Variants in CSMD1 observed in about 807,000 individuals in gnomAD.
CSMD1 encodes the protein CUB and Sushi multiple domains 1, also known as CUB and sushi domain-containing protein 1.
CSMD1 carries 213 observed loss-of-function variants against 417.5 expected under a neutral mutation model. That is an observed-to-expected ratio of 0.51 (90% confidence interval 0.46 to 0.57). The LOEUF (loss-of-function observed/expected upper bound fraction) is 0.57, where lower values mean the gene tolerates loss of function less well. Ranked by LOEUF, CSMD1 falls within the 20% of genes least tolerant of loss-of-function variation. CSMD1 has a pLI of 0.00. For synonymous variants in CSMD1, 2,862 were observed against 1,736.8 expected, an observed-to-expected ratio of 1.65 and a Z score of -16.11; for missense variants, 6,923 against 4,529.7, an observed-to-expected ratio of 1.53 and a Z score of -15.17.
intron 5 of CSMD1, among the ~76,000 whole-genome samples, chr8:3,836,626 C>A (rs12549593): frequency 9.2e-5 from 14 of 151,900 alleles, no homozygotes; most frequent in African/African-American, 2.4e-4. Context: ...GGTATTTGAC[C>A]TGAATCAAAT....
At chr8:4,410,316 C>G (rs1420412782) in intron 3 of CSMD1, among the ~76,000 whole-genome samples, 1 of 152,172 alleles carries the variant, frequency 6.6e-6, no homozygotes, top group East Asian at 1.9e-4. Flanking sequence ...CGCTTAGTCA[C>G]CAGCACAATG....
chr8:3,285,211 C>G (rs1257099018), intron 25 of CSMD1, among the ~76,000 whole-genome samples: 1 of 152,154 alleles, frequency 6.6e-6, no homozygotes, highest in Non-Finnish European at 1.5e-5. Flanking sequence ...CCACGAGTCT[C>G]AACTGCTTTG....
chr8:4,915,696 G>A (rs1047101917), intron 1 of CSMD1, among the ~76,000 whole-genome samples: 1 of 152,212 alleles, frequency 6.6e-6, no homozygotes, highest in African/African-American at 2.4e-5. Context: ...GATTTCGGGA[G>A]AGGGTCACGC....
intron 2 of CSMD1, among the ~76,000 whole-genome samples, chr8:4,498,350 A>C (rs1186082564): frequency 1.3e-5 from 2 of 152,058 alleles, no homozygotes; most frequent in African/African-American, 4.8e-5. Context: ...CTTATTTCTT[A>C]TGTATTTATA....
chr8:3,259,330 G>C (rs965654863), intron 26 of CSMD1, among the ~76,000 whole-genome samples: 1 of 152,182 alleles, frequency 6.6e-6, no homozygotes, highest in African/African-American at 2.4e-5. Flanking sequence ...CTGCAAAGCA[G>C]GAATCTTGAC....
chr8:4,777,453 G>C (rs983995097), intron 1 of CSMD1, among the ~76,000 whole-genome samples: 1 of 152,138 alleles, frequency 6.6e-6, no homozygotes, highest in Non-Finnish European at 1.5e-5. Context: ...GTTAGGGACA[G>C]ATGTGTGCCT....
chr8:4,516,550 C>T (rs969642331), intron 2 of CSMD1, among the ~76,000 whole-genome samples: 1 of 152,090 alleles, frequency 6.6e-6, no homozygotes, highest in African/African-American at 2.4e-5. Context: ...CTTGGTGTGG[C>T]CCCCAGCCAC....
At chr8:4,001,541 C>T (rs1238221618) in intron 4 of CSMD1, among the ~76,000 whole-genome samples, 1 of 152,158 alleles carries the variant, frequency 6.6e-6, no homozygotes, top group Non-Finnish European at 1.5e-5. Context: ...AATGAGCATA[C>T]CTCACTGCCA....
intron 2 of CSMD1, among the ~76,000 whole-genome samples, chr8:4,600,648 A>T (rs1484927408): frequency 2.6e-5 from 4 of 152,196 alleles, no homozygotes; most frequent in African/African-American, 9.6e-5. Flanking sequence ...ATTACCACCA[A>T]TGTTTAGATA....
chr8:2,962,393 C>G (rs937449532), intron 61 of CSMD1, 73 bp downstream of exon 61: 22 of 1,352,954 alleles, frequency 1.6e-5, no homozygotes, highest in African/African-American at 5.8e-5. Flanking sequence ...TCACAAATGA[C>G]CCAATTTCGG....
intron 5 of CSMD1, among the ~76,000 whole-genome samples, chr8:3,984,879 C>A (rs1308484118): frequency 9.9e-5 from 15 of 151,510 alleles, no homozygotes; most frequent in African/African-American, 3.6e-4. Flanking sequence ...AAGTTTGAAT[C>A]TATGTCCATA....
intron 41 of CSMD1, chr8:3,128,492 T>C (rs1817627763): frequency 4.7e-6 from 1 of 214,442 alleles, no homozygotes; most frequent in Non-Finnish European, 9.5e-6. Context: ...ACAAGAATTC[T>C]CTGTATGATT....
chr8:4,086,683 G>C (rs1321424977), intron 3 of CSMD1, among the ~76,000 whole-genome samples: 2 of 152,150 alleles, frequency 1.3e-5, no homozygotes, highest in Non-Finnish European at 2.9e-5. Context: ...AAGTATTTAA[G>C]CAACCTGAAC....
chr8:4,700,121 C>A (rs1452954918), intron 1 of CSMD1, among the ~76,000 whole-genome samples: 1 of 152,022 alleles, frequency 6.6e-6, no homozygotes, highest in African/African-American at 2.4e-5. Context: ...AAGTGGTGAA[C>A]TTTTTGTTTA....
intron 3 of CSMD1, among the ~76,000 whole-genome samples, chr8:4,405,537 G>C (rs1046785033): frequency 1.3e-5 from 2 of 152,098 alleles, no homozygotes; most frequent in Non-Finnish European, 2.9e-5. Flanking sequence ...ATTATAGTAA[G>C]TGCCATGAAA....
At chr8:3,157,831 G>T in intron 39 of CSMD1, 66 bp downstream of exon 39, 1 of 1,295,224 alleles carries the variant, frequency 7.7e-7, no homozygotes, top group Non-Finnish European at 1.1e-6. Context: ...TTGACCCCAA[G>T]AGTAGAGCAG....
At chr8:4,480,337 C>G (rs1190157568) in intron 2 of CSMD1, among the ~76,000 whole-genome samples, 2 of 152,142 alleles carry the variant, frequency 1.3e-5, no homozygotes, top group Non-Finnish European at 2.9e-5. Flanking sequence ...CTTTGAGAAA[C>G]TGGTTCACCT....
chr8:4,111,211 T>G (rs1801837532), intron 3 of CSMD1, among the ~76,000 whole-genome samples: 1 of 152,182 alleles, frequency 6.6e-6, no homozygotes, highest in Admixed American at 6.5e-5. Context: ...GTTATGTTTG[T>G]CATCATCTTT....
At chr8:3,218,117 G>T (rs1170181121) in intron 29 of CSMD1, among the ~76,000 whole-genome samples, 4 of 152,156 alleles carry the variant, frequency 2.6e-5, no homozygotes, top group African/African-American at 4.8e-5. Flanking sequence ...GTTAGTGGCA[G>T]GGAATGGTTT....
Sources: gnomAD v4.1 joint callset for allele counts (sites outside exome capture counted in the v4.1 genomes callset) on GRCh38, gnomAD v4.1.1 for gene constraint, MANE v1.5 for transcripts, NCBI Gene and HGNC (gene_info 2026-07-23, HGNC 2026-07-21) for gene names.